The following SFMBT1 variants were observed in gnomAD, a reference collection of about 807,000 sequenced individuals.
SFMBT1 encodes Scm like with four mbt domains 1.
Under a neutral mutation model 108.7 loss-of-function variants are expected in SFMBT1, and 32 were observed. The observed-to-expected ratio is 0.29, with a 90% CI of 0.22 to 0.40. SFMBT1 has a LOEUF of 0.40. SFMBT1 is among the 10% of genes least tolerant of loss of function. The pLI is 1.00. For synonymous variants in SFMBT1, 348 were observed against 369.5 expected (o/e 0.94, Z 0.67); for missense variants, 816 against 1,059.6 (o/e 0.77, Z 3.19).
chr3:52,987,470 T>C (rs566742562), intron 1 of SFMBT1, among the ~76,000 whole-genome samples: 1 of 152,206 alleles, frequency 6.6e-6, no homozygotes, highest in Middle Eastern at 3.4e-3. Flanking sequence ...TATAACTGTA[T>C]GGGACCACCG....
At chr3:52,926,762 T>C (rs1702670893) in intron 9 of SFMBT1, among the ~76,000 whole-genome samples, 1 of 152,164 alleles carries the variant, frequency 6.6e-6, no homozygotes, top group Non-Finnish European at 1.5e-5. Context: ...CTCAGCACCA[T>C]CTACATGCAA....
At chr3:52,996,941 C>T (rs1003998325) in intron 1 of SFMBT1, among the ~76,000 whole-genome samples, 1 of 149,540 alleles carries the variant, frequency 6.7e-6, no homozygotes, top group East Asian at 2.0e-4. Flanking sequence ...TAGTGGCGGT[C>T]GCCTGCAGTC....
At chr3:52,986,407 T>C (rs1156350566) in intron 1 of SFMBT1, among the ~76,000 whole-genome samples, 2 of 152,218 alleles carry the variant, frequency 1.3e-5, no homozygotes, top group Non-Finnish European at 2.9e-5. Context: ...TTTTGATTTT[T>C]AAAATTTTTT....
chr3:53,016,733 T>C (rs1453874956), intron 1 of SFMBT1, among the ~76,000 whole-genome samples: 2 of 152,158 alleles, frequency 1.3e-5, no homozygotes, highest in African/African-American at 4.8e-5. Flanking sequence ...ATTCTGTGGC[T>C]CATTTTTTCA....
At chr3:53,006,040 T>C (rs1320520584) in intron 1 of SFMBT1, among the ~76,000 whole-genome samples, 2 of 152,136 alleles carry the variant, frequency 1.3e-5, no homozygotes, top group South Asian at 4.1e-4. Flanking sequence ...AACAAGTTTA[T>C]TGGACTCTGC....
intron 1 of SFMBT1, among the ~76,000 whole-genome samples, chr3:53,034,001 C>T (rs578163136): frequency 6.8e-5 from 9 of 131,824 alleles, no homozygotes; most frequent in South Asian, 2.6e-4. Flanking sequence ...ACCCAGGAGG[C>T]GGAGGTTGCG....
chr3:52,982,191 C>G (rs1349877750), intron 1 of SFMBT1, among the ~76,000 whole-genome samples: 1 of 152,190 alleles, frequency 6.6e-6, no homozygotes, highest in Non-Finnish European at 1.5e-5. Context: ...ATGGAAAGGA[C>G]TGTCAACACT....
At chr3:53,032,462 G>C (rs1162436306) in intron 1 of SFMBT1, among the ~76,000 whole-genome samples, 2 of 152,140 alleles carry the variant, frequency 1.3e-5, no homozygotes, top group South Asian at 4.1e-4. Context: ...GGTGGGCAGG[G>C]AACAAGAAAC....
chr3:53,034,521 A>T (rs1378567743), intron 1 of SFMBT1, among the ~76,000 whole-genome samples: 1 of 152,140 alleles, frequency 6.6e-6, no homozygotes, highest in Non-Finnish European at 1.5e-5. Context: ...CGGAGGTTGC[A>T]GTGAGCCAAG....
At chr3:52,962,072 G>A (rs1272108537) in intron 2 of SFMBT1, among the ~76,000 whole-genome samples, 2 of 152,138 alleles carry the variant, frequency 1.3e-5, no homozygotes, top group East Asian at 1.9e-4. Flanking sequence ...AAATTAAAAC[G>A]ACAGAGATAT....
In SFMBT1 at chr3:52,951,661, C is replaced by A. The variant is rs187880095; in HGVS notation, c.123+2656G>T. On this transcript the variant is annotated intron_variant, in intron 3 of 20. Coordinates refer to ENST00000394752, the MANE Select transcript of SFMBT1 (RefSeq NM_016329.4). Reference sequence around the variant, plus strand: ...ACTTCTGACCTCAGGTGATCTGGGCCGAATTAAATGAATAGGTTGGGCTAT... The same window carrying A: ...ACTTCTGACCTCAGGTGATCTGGGCAGAATTAAATGAATAGGTTGGGCTAT... 5.6e-3 allele frequency among the ~76,000 whole-genome samples: 848 copies of A among 152,170 alleles called. 9 individuals carry two copies. The highest frequency in any genetic ancestry group is 9.0e-3 in the Non-Finnish European group (613 of 68,010).
intron 1 of SFMBT1, among the ~76,000 whole-genome samples, chr3:53,022,449 CAAAAAA>C (rs34744052): frequency 1.1e-3 from 43 of 40,650 alleles, no homozygotes; most frequent in Non-Finnish European, 2.0e-3. Flanking sequence ...GGTGCTGTCT[CAAAAAA>C]AAAAAAAAAA....
At chr3:52,975,260 A>T (rs1289361957) in intron 1 of SFMBT1, among the ~76,000 whole-genome samples, 1 of 152,196 alleles carries the variant, frequency 6.6e-6, no homozygotes, top group Non-Finnish European at 1.5e-5. Flanking sequence ...TAAGCATACA[A>T]TGCACCATAC....
intron 1 of SFMBT1, among the ~76,000 whole-genome samples, chr3:52,972,264 A>C (rs1347879776): frequency 2.0e-5 from 3 of 152,230 alleles, no homozygotes; most frequent in Non-Finnish European, 4.4e-5. Flanking sequence ...GGAGAGATGC[A>C]AGTCTTACGT....
At chr3:52,998,316 C>G (rs1185576973) in intron 1 of SFMBT1, among the ~76,000 whole-genome samples, 1 of 150,034 alleles carries the variant, frequency 6.7e-6, no homozygotes, top group East Asian at 1.9e-4. Context: ...GGCATGAACC[C>G]AGGAGGTGAA....
intron 1 of SFMBT1, among the ~76,000 whole-genome samples, chr3:52,988,750 A>G (rs1413139727): frequency 6.6e-6 from 1 of 152,236 alleles, no homozygotes; most frequent in East Asian, 1.9e-4. Flanking sequence ...AGTTAAATGG[A>G]CATGAGGAAA....
chr3:52,934,516 G>T (rs1702947486), intron 5 of SFMBT1, among the ~76,000 whole-genome samples: 2 of 150,790 alleles, frequency 1.3e-5, no homozygotes, highest in South Asian at 4.2e-4. Context: ...AAGCAGAATC[G>T]ACCTCTGCTC....
chr3:52,977,546 C>T (rs1704559783), intron 1 of SFMBT1, among the ~76,000 whole-genome samples: 1 of 151,768 alleles, frequency 6.6e-6, no homozygotes, highest in African/African-American at 2.4e-5. Flanking sequence ...AAACTGGAAA[C>T]CTCAGGGTCA....
chr3:52,954,680 A>G (rs1703721893), intron 2 of SFMBT1, among the ~76,000 whole-genome samples: 1 of 152,170 alleles, frequency 6.6e-6, no homozygotes, highest in African/African-American at 2.4e-5. Context: ...GTTCACCCAA[A>G]TGGATCACAT....
Sources: gnomAD v4.1 joint callset for allele counts (sites outside exome capture counted in the v4.1 genomes callset) on GRCh38, gnomAD v4.1.1 for gene constraint, MANE v1.5 for transcripts, NCBI Gene and HGNC (gene_info 2026-07-23, HGNC 2026-07-21) for gene names.